The following BRINP2 variants were observed in gnomAD, a reference collection of about 807,000 sequenced individuals.
BRINP2 encodes the protein BMP/retinoic acid inducible neural specific 2, also known as BMP/retinoic acid-inducible neural-specific protein 2.
A neutral mutation model predicts 69.2 loss-of-function variants in BRINP2; 21 were observed. That is an observed-to-expected ratio of 0.30 (90% CI 0.22 to 0.44). The LOEUF is 0.44. BRINP2 is among the 20% of genes least tolerant of loss of function. The pLI, the probability that BRINP2 is intolerant of heterozygous loss-of-function variation, is 1.00. For synonymous variants in BRINP2, 380 were observed against 394.1 expected, an observed-to-expected ratio of 0.96 and a Z score of 0.42; for missense variants, 877 against 986.0, an observed-to-expected ratio of 0.89 and a Z score of 1.48.
At chr1:177,198,580 C>T (rs1648812705) in intron 1 of BRINP2, among the ~76,000 whole-genome samples, 2 of 152,082 alleles carry the variant, frequency 1.3e-5, no homozygotes, top group Non-Finnish European at 2.9e-5. Flanking sequence ...GGCTGGGGTC[C>T]ACCTTTTTTA....
At chr1:177,222,885 G>A (rs1649579896) in intron 1 of BRINP2, among the ~76,000 whole-genome samples, 1 of 152,130 alleles carries the variant, frequency 6.6e-6, no homozygotes, top group Non-Finnish European at 1.5e-5. Context: ...GGTTCTCAGG[G>A]CCGCAAGGAG....
At chr1:177,186,665 A>G (rs536827979) in intron 1 of BRINP2, among the ~76,000 whole-genome samples, 2 of 151,346 alleles carry the variant, frequency 1.3e-5, no homozygotes, top group South Asian at 4.1e-4. Flanking sequence ...GATCTCTTCC[A>G]AAATGCATGT....
intron 1 of BRINP2, among the ~76,000 whole-genome samples, chr1:177,184,782 C>T (rs1648379825): frequency 6.6e-6 from 1 of 151,738 alleles, no homozygotes; most frequent in Non-Finnish European, 1.5e-5. Context: ...ACACCCATTT[C>T]CATTAAAATA....
intron 1 of BRINP2, among the ~76,000 whole-genome samples, chr1:177,183,643 A>G (rs904580151): frequency 2.6e-5 from 4 of 152,226 alleles, no homozygotes; most frequent in Non-Finnish European, 4.4e-5. Flanking sequence ...GAATGTACCA[A>G]TGTAGCAAGC....
intron 1 of BRINP2, among the ~76,000 whole-genome samples, 194 bp from the exon 2 acceptor site, chr1:177,229,607 A>G (rs1649801095): frequency 6.6e-6 from 1 of 152,196 alleles, no homozygotes; most frequent in African/African-American, 2.4e-5. Context: ...TGATGGCAAT[A>G]GTGTTTCCTC....
At chr1:177,234,555 T>C (rs1649957871) in intron 2 of BRINP2, among the ~76,000 whole-genome samples, 2 of 152,132 alleles carry the variant, frequency 1.3e-5, no homozygotes. Context: ...AATCATGGGA[T>C]TGGACAAAAT....
intron 6 of BRINP2, 33 bp from the exon 7 acceptor site, chr1:177,278,530 C>T (rs1391792714): frequency 1.2e-6 from 2 of 1,604,530 alleles, no homozygotes; most frequent in Admixed American, 1.7e-5. Context: ...GCATAGCTAC[C>T]CGTCAGCTCA....
At chr1:177,254,331 G>C (rs1313576993) in intron 2 of BRINP2, among the ~76,000 whole-genome samples, 1 of 151,274 alleles carries the variant, frequency 6.6e-6, no homozygotes. Context: ...TAAGAGTCAT[G>C]TATTCTTCAT....
chr1:177,172,839 G>A (rs1247477910), intron 1 of BRINP2, among the ~76,000 whole-genome samples: 3 of 152,136 alleles, frequency 2.0e-5, no homozygotes, highest in Non-Finnish European at 4.4e-5. Context: ...TTATAGTTGG[G>A]TAATCTAGGC....
chr1:177,260,355 T>C (rs1175866172), intron 4 of BRINP2, among the ~76,000 whole-genome samples: 1 of 152,254 alleles, frequency 6.6e-6, no homozygotes, highest in Non-Finnish European at 1.5e-5. Context: ...AGAGGGAATC[T>C]ACTCCTGGTG....
chr1:177,196,463 C>A (rs188714378), intron 1 of BRINP2, among the ~76,000 whole-genome samples: 16 of 152,182 alleles, frequency 1.1e-4, no homozygotes, highest in Non-Finnish European at 2.2e-4. Context: ...ACTACAAATA[C>A]AAAAATTTGC....
At position 177,245,603 on chromosome 1, in the gene BRINP2, T is replaced by C. The variant is rs182624766; in HGVS notation, c.270-10316T>C. On this transcript the variant is annotated intron_variant, in intron 2 of 7. Transcript: ENST00000361539. ...CAGATAGTGGTGAACAGAGCTATGC[T>C]GTCCACAGTTGAGCAGATGAGATGC... 2.3e-3 allele frequency among the ~76,000 whole-genome samples: 354 copies of C among 152,308 alleles called. 2 individuals are homozygous for C. Among genetic ancestry groups the C allele is most frequent in the Non-Finnish European group, 4.3e-3 (290 of 68,034 alleles).
chr1:177,276,512 T>G, intron 6 of BRINP2, 78 bp downstream of exon 6: 1 of 1,329,500 alleles, frequency 7.5e-7, no homozygotes, highest in Admixed American at 1.8e-5. Context: ...GAACAAAACT[T>G]GAGAGTTGAG....
Position 177,281,318 on chromosome 1 carries a change from C to G in BRINP2, c.2142C>G (p.Asp714Glu), listed in dbSNP as rs1391239885. 2 of 1,614,158 alleles carry G rather than the reference C, an allele frequency of 1.2e-6. No individual in the cohort carries two copies. Among genetic ancestry groups the G allele is most frequent in the Non-Finnish European group, 1.7e-6 (2 of 1,180,024 alleles). The change falls in exon 8 of 8, where the codon GAC becomes GAG. Residue 714 changes from aspartate (D) to glutamate (E), a missense_variant. Asp to Glu is a conservative substitution (Grantham distance 45). This residue lies in a region of BRINP2 where 225 missense variants were observed against 218.7 expected (regional missense o/e 1.03). Coordinates refer to ENST00000361539, the MANE Select transcript of BRINP2 (RefSeq NM_021165.4). The stretch of plus-strand genomic sequence containing the variant: ...ACCCATATACTCAAGGTTCCCAGGA[C>G]TCTGCACTCTTGCAGCTCATTGAGC... ...LDYPYTQGSQ[D>E]SALLQLIELR...
At chr1:177,206,082 G>A (rs1412080477) in intron 1 of BRINP2, among the ~76,000 whole-genome samples, 1 of 152,216 alleles carries the variant, frequency 6.6e-6, no homozygotes, top group Admixed American at 6.5e-5. Context: ...TACTTAAGCT[G>A]CCCTGTGGAG....
chr1:177,200,380 C>A (rs78939019), intron 1 of BRINP2, among the ~76,000 whole-genome samples: 10 of 149,312 alleles, frequency 6.7e-5, no homozygotes, highest in African/African-American at 2.2e-4. Context: ...CCACAGTGAA[C>A]CTTCTACAGC....
intron 1 of BRINP2, among the ~76,000 whole-genome samples, chr1:177,201,687 C>T (rs898445882): frequency 1.3e-5 from 2 of 152,160 alleles, no homozygotes; most frequent in Non-Finnish European, 2.9e-5. Context: ...TCAAGACCCA[C>T]TGGGTATCAG....
At chr1:177,259,747 G>A (rs564036751) in intron 4 of BRINP2, among the ~76,000 whole-genome samples, 1 of 152,256 alleles carries the variant, frequency 6.6e-6, no homozygotes, top group South Asian at 2.1e-4. Flanking sequence ...CTCGATGACA[G>A]CATATTTGTT....
chr1:177,266,486 G>A (rs536204995), intron 4 of BRINP2, among the ~76,000 whole-genome samples: 71 of 152,090 alleles, frequency 4.7e-4, no homozygotes, highest in African/African-American at 1.7e-3. Flanking sequence ...TTGGCTGGGC[G>A]CGGTGGCTCA....
Sources: allele counts gnomAD v4.1 joint callset (sites outside exome capture counted in the v4.1 genomes callset), GRCh38; gene constraint gnomAD v4.1.1; regional missense constraint gnomAD v4.1.1; transcripts MANE v1.5; gene names NCBI Gene and HGNC (gene_info 2026-07-23, HGNC 2026-07-21).